The following LRRC75A variants were observed in gnomAD, a reference collection of about 807,000 sequenced individuals.
LRRC75A encodes leucine-rich repeat-containing protein 75A.
In LRRC75A, 12 loss-of-function variants were observed where a neutral mutation model predicts 26.0. The observed-to-expected ratio is 0.46, with a 90% CI of 0.30 to 0.75. LRRC75A has a LOEUF of 0.75. Among genes scored for constraint, LRRC75A ranks in the 30% least tolerant of loss-of-function variants. The probability of loss-of-function intolerance (pLI) is 0.08; values close to 1 mark genes in which losing one functional copy is unlikely to be tolerated. For missense variants in LRRC75A, 410 were observed against 486.6 expected, an observed-to-expected ratio of 0.84 and a Z score of 1.48; for synonymous variants, 223 against 219.3, an observed-to-expected ratio of 1.02 and a Z score of -0.15.
In LRRC75A at chr17:16,492,113, G is replaced by C. The variant is rs1236678973; in HGVS notation, c.-123C>G. On this transcript the variant is annotated 5_prime_UTR_variant, in exon 1 of 4. Coordinates refer to ENST00000470794, the MANE Select transcript of LRRC75A (RefSeq NM_001113567.3). ...GCTGCAACTTTGGGGGAACTGTTGCGCGCGGGCGTCGCGGGGGCGGGCGGG... is the reference window on the plus strand; with the variant it reads ...GCTGCAACTTTGGGGGAACTGTTGCCCGCGGGCGTCGCGGGGGCGGGCGGG... 1.5e-5 allele frequency: 13 copies of C among 889,554 alleles called. No individual in the cohort carries two copies. The highest frequency in any genetic ancestry group is 1.8e-5 in the Non-Finnish European group (13 of 736,356). 55.1% of individuals were successfully genotyped at this position (889,554 alleles called of 1,614,324 possible).
In LRRC75A at chr17:16,462,808, G is replaced by A. The variant is rs988261339; in HGVS notation, c.247-422C>T. 6 of 183,272 alleles carry A rather than the reference G, an allele frequency of 3.3e-5. No individual in the cohort carries two copies. Among genetic ancestry groups the A allele is most frequent in the South Asian group, 1.1e-4 (1 of 9,050 alleles). The allele number at this position is 183,272 out of a possible 1,614,324, so 11.4% of individuals were successfully genotyped here. ...TTTGTGTTTTCTTCCTGCTTCTGAC[G>A]TTGTTTTTACTGCTCCTTCTGTAGC... On this transcript the variant is annotated intron_variant, in intron 1 of 3. Coordinates refer to ENST00000470794, the MANE Select transcript of LRRC75A (RefSeq NM_001113567.3). This position sits in a 1 kb window ranked among gnomAD's most constrained non-coding sequence, Gnocchi z 4.6.
Position 16,462,525 on chromosome 17 carries a change from C to T in LRRC75A, c.247-139G>A. Reference sequence around the variant, plus strand: ...CGGTGGGGAGCATCTGCAGAACTTCCCTCAGGGGCTGGGGCAGGCCTCTCC... The same window carrying T: ...CGGTGGGGAGCATCTGCAGAACTTCTCTCAGGGGCTGGGGCAGGCCTCTCC... On this transcript the variant is annotated intron_variant, in intron 1 of 3. Coordinates refer to ENST00000470794, the MANE Select transcript of LRRC75A (RefSeq NM_001113567.3). The surrounding 1 kb of genome is among the most constrained non-coding windows in gnomAD (Gnocchi z 4.6). The T allele has an allele frequency of 1.7e-6, 2 of 1,153,166 alleles. No individual in the cohort carries two copies. Among genetic ancestry groups the T allele is most frequent in the East Asian group, 2.6e-5 (1 of 38,984 alleles). The allele number at this position is 1,153,166 out of a possible 1,614,324, so 71.4% of individuals were successfully genotyped here. A position where few individuals can be genotyped will look rare whatever the true frequency, so the allele number is the denominator to read the frequency against.
chr17:16,443,882 C>T lies in LRRC75A; in HGVS notation c.741G>A (p.Leu247=), dbSNP rs1469881341. The change falls in exon 4 of 4, where the codon CTG becomes CTA. Residue 247 remains leucine, a synonymous_variant. Coordinates refer to ENST00000470794, the MANE Select transcript of LRRC75A (RefSeq NM_001113567.3). ...LNGNRLTRAV[L]RDLTDILKDP... is the part of the protein sequence containing the mutation. The stretch of plus-strand genomic sequence containing the variant: ...CCTTAAGGATGTCAGTGAGGTCGCG[C>T]AGCACGGCCCGGGTCAACCGGTTGC... 6.2e-7 allele frequency: 1 copy of T among 1,613,320 alleles called. No individual in the cohort carries two copies. The highest frequency in any genetic ancestry group is 1.3e-5 in the African/African-American group (1 of 74,926).
intron 2 of LRRC75A, among the ~76,000 whole-genome samples, chr17:16,457,853 A>T (rs2093697251): frequency 6.6e-6 from 1 of 152,072 alleles, no homozygotes; most frequent in African/African-American, 2.4e-5. Context: ...GCCTGCCTGC[A>T]GTCCCAGCTA....
chr17:16,459,310 G>C (rs2093709367), intron 2 of LRRC75A, among the ~76,000 whole-genome samples: 1 of 152,174 alleles, frequency 6.6e-6, no homozygotes, highest in African/African-American at 2.4e-5. Flanking sequence ...TGGGGCTCGA[G>C]ACAGGCTGAT....
chr17:16,480,403 G>A (rs2093830817), intron 1 of LRRC75A, among the ~76,000 whole-genome samples: 1 of 152,088 alleles, frequency 6.6e-6, no homozygotes, highest in Non-Finnish European at 1.5e-5. Flanking sequence ...GCCGAGGTGG[G>A]CGGAATGCCT....
intron 2 of LRRC75A, among the ~76,000 whole-genome samples, chr17:16,455,412 C>T (rs985381705): frequency 6.6e-6 from 1 of 151,578 alleles, no homozygotes; most frequent in Non-Finnish European, 1.5e-5. Flanking sequence ...CGGAGTCTTG[C>T]TCTGTCGCCC....
chr17:16,472,156 C>T (rs553450320), intron 1 of LRRC75A, among the ~76,000 whole-genome samples: 140 of 152,250 alleles, frequency 9.2e-4, no homozygotes, highest in African/African-American at 3.3e-3. Flanking sequence ...TCAGCCGGCA[C>T]TGCTGAGGCA....
At chr17:16,444,584 A>G (rs1450774179) in intron 3 of LRRC75A, among the ~76,000 whole-genome samples, 1 of 152,054 alleles carries the variant, frequency 6.6e-6, no homozygotes, top group African/African-American at 2.4e-5. Flanking sequence ...CTCTTTCAAG[A>G]CCATCTTCCC....
intron 1 of LRRC75A, among the ~76,000 whole-genome samples, chr17:16,477,438 C>T (rs757445752): frequency 6.6e-6 from 1 of 152,214 alleles, no homozygotes; most frequent in Non-Finnish European, 1.5e-5. Flanking sequence ...ATGAGGAATC[C>T]AGCTCCAATC....
intron 2 of LRRC75A, among the ~76,000 whole-genome samples, chr17:16,456,116 GAGT>G (rs1460104253): frequency 2.7e-5 from 4 of 145,626 alleles, no homozygotes; most frequent in African/African-American, 1.1e-4. Context: ...GGAGGAGGAG[GAGT>G]AGCAGTAGTA....
rs1491360189 is a variant in LRRC75A at position 16,453,312 on chromosome 17, GCA to G, written c.376-5354_376-5353del. Among the ~76,000 whole-genome samples, 226 of 64,872 alleles carry G rather than the reference GCA, an allele frequency of 3.5e-3. 1 individual carries two copies. Among genetic ancestry groups the G allele is most frequent in the Non-Finnish European group, 5.6e-3 (123 of 22,156 alleles). The allele number at this position is 64,872 out of a possible 152,430, so 42.6% of individuals were successfully genotyped here. A position where few individuals can be genotyped will look rare whatever the true frequency, so the allele number is the denominator to read the frequency against. Reference sequence around the variant, plus strand: ...GGGACTCCTAAACACACACACACACGCACACACGCACACACGCACACGCACAC... The same window carrying G: ...GGGACTCCTAAACACACACACACACGCACACGCACACACGCACACGCACAC... On this transcript the variant is annotated intron_variant, in intron 2 of 3. Coordinates refer to ENST00000470794, the MANE Select transcript of LRRC75A (RefSeq NM_001113567.3).
rs1392789214 is a variant in LRRC75A, at chr17:16,491,095, T to C, written c.246+650A>G. The stretch of plus-strand genomic sequence containing the variant: ...CAGAGTCCTGGCAGTCTCCTGAAGT[T>C]GCTGCTGGCCAGGTGGTCACACAGG... On this transcript the variant is annotated intron_variant, in intron 1 of 3. Transcript: ENST00000470794. The surrounding 1 kb of genome is among the most constrained non-coding windows in gnomAD (Gnocchi z 5.9). Among the ~76,000 whole-genome samples the C allele has an allele frequency of 6.6e-6, 1 of 152,258 alleles. No homozygotes were observed.
intron 1 of LRRC75A, among the ~76,000 whole-genome samples, chr17:16,486,772 C>T (rs2093847989): frequency 6.6e-6 from 1 of 152,224 alleles, no homozygotes; most frequent in East Asian, 1.9e-4. Flanking sequence ...GCCCTGTGGA[C>T]ATCACTCCCA....
chr17:16,449,368 G>A (rs185467161), intron 2 of LRRC75A, among the ~76,000 whole-genome samples: 8 of 152,330 alleles, frequency 5.3e-5, no homozygotes, highest in Admixed American at 5.2e-4. Flanking sequence ...TTGGACAATT[G>A]CTTGACTTCT....
chr17:16,486,729 A>G (rs2093847875), intron 1 of LRRC75A, among the ~76,000 whole-genome samples: 1 of 152,034 alleles, frequency 6.6e-6, no homozygotes, highest in African/African-American at 2.4e-5. Flanking sequence ...CTCCAAGAAC[A>G]CCACCGCCTG....
Position 16,443,984 on chromosome 17 carries a change from GC to G in LRRC75A, c.638del (p.Gly213AlafsTer30), listed in dbSNP as rs764043428. 1 of 1,613,658 alleles carries G rather than the reference GC, an allele frequency of 6.2e-7. No individual in the cohort carries two copies. The highest frequency in any genetic ancestry group is 1.3e-5 in the African/African-American group (1 of 74,908). On this transcript the variant is annotated frameshift_variant, in exon 4 of 4. Coordinates refer to ENST00000470794, the MANE Select transcript of LRRC75A (RefSeq NM_001113567.3). LOFTEE classifies it high-confidence loss of function. The stretch of plus-strand genomic sequence containing the variant: ...GCTGCAGGACCATGTCGTCCGTGAG[GC>G]CTGTGAAGCCCAGCTCCACGCTGTC... ...QVDSVELGFT[G>X]LTDDMVLQLL... is the part of the protein sequence containing the mutation.
chr17:16,444,803 T>A (rs2093566772), intron 3 of LRRC75A, among the ~76,000 whole-genome samples: 1 of 149,780 alleles, frequency 6.7e-6, no homozygotes, highest in Non-Finnish European at 1.5e-5. Flanking sequence ...CCGCCATCTG[T>A]TTGCTGGCTC....
At chr17:16,454,368 G>A (rs540122778) in intron 2 of LRRC75A, among the ~76,000 whole-genome samples, 2 of 150,644 alleles carry the variant, frequency 1.3e-5, no homozygotes, top group South Asian at 4.2e-4. Context: ...CTCCAGCCTG[G>A]GCAACAGAGT....
Sources: gnomAD v4.1 joint callset for allele counts (sites outside exome capture counted in the v4.1 genomes callset) on GRCh38, gnomAD v4.1.1 for gene constraint, Gnocchi (gnomAD v3.1) non-coding constraint, MANE v1.5 for transcripts, NCBI Gene and HGNC (gene_info 2026-07-23, HGNC 2026-07-21) for gene names.